FNDC3B: variants seen among roughly 807,000 people sequenced by gnomAD.
FNDC3B encodes fibronectin type III domain containing 3B.
Under a neutral mutation model 151.5 loss-of-function variants are expected in FNDC3B, and 12 were observed. The ratio of observed to expected loss-of-function variants is 0.08; its 90% CI spans 0.05 to 0.13. FNDC3B has a LOEUF of 0.13. Ranked by LOEUF, FNDC3B falls within the 10% of genes least tolerant of loss-of-function variation. FNDC3B has a pLI of 1.00. For synonymous variants in FNDC3B, 528 were observed against 549.0 expected, an observed-to-expected ratio of 0.96 and a Z score of 0.54; for missense variants, 1,214 against 1,505.3, an observed-to-expected ratio of 0.81 and a Z score of 3.20.
chr3:172,341,575 T>G (rs1733326851), intron 17 of FNDC3B, among the ~76,000 whole-genome samples: 2 of 152,178 alleles, frequency 1.3e-5, no homozygotes, highest in South Asian at 4.1e-4. Context: ...AAACTATAGA[T>G]TTTAGAGTAA....
intron 21 of FNDC3B, among the ~76,000 whole-genome samples, chr3:172,348,411 C>T (rs1190884660): frequency 2.0e-5 from 3 of 152,144 alleles, no homozygotes; most frequent in Admixed American, 1.3e-4. Flanking sequence ...TCTTGCTTCT[C>T]GAATGAAGCA....
chr3:172,344,273 A>T lies in FNDC3B; in HGVS notation c.2250+15A>T. ...ATGATGGAGGGGTGAGTATAAGCCC[A>T]TACACCATAACCAGAATCAGAATGC... On this transcript the variant is annotated intron_variant, in intron 19 of 25. Coordinates refer to ENST00000415807, the MANE Select transcript of FNDC3B (RefSeq NM_022763.4). 6.3e-7 allele frequency: 1 copy of T among 1,597,682 alleles called. No individual in the cohort carries two copies. The highest frequency in any genetic ancestry group is 2.3e-5 in the East Asian group (1 of 44,174).
At chr3:172,276,538 A>G (rs1729441749) in intron 6 of FNDC3B, among the ~76,000 whole-genome samples, 1 of 152,232 alleles carries the variant, frequency 6.6e-6, no homozygotes, top group Non-Finnish European at 1.5e-5. Context: ...GATACATGCT[A>G]GAGATCATCA....
At chr3:172,321,764 A>C (rs1462943504) in intron 11 of FNDC3B, 2 of 189,500 alleles carry the variant, frequency 1.1e-5, no homozygotes, top group Admixed American at 6.3e-5. Flanking sequence ...ATTTTTTATA[A>C]ATTTTTTTTA....
intron 6 of FNDC3B, among the ~76,000 whole-genome samples, chr3:172,271,177 T>C (rs1325575365): frequency 1.3e-5 from 2 of 152,238 alleles, no homozygotes; most frequent in Non-Finnish European, 2.9e-5. Context: ...CATTAGCTTT[T>C]ACCCTTAGGT....
intron 11 of FNDC3B, among the ~76,000 whole-genome samples, chr3:172,321,194 T>C (rs1013132071): frequency 7.2e-5 from 11 of 152,232 alleles, no homozygotes; most frequent in Non-Finnish European, 1.3e-4. Context: ...CCTGTGGTTT[T>C]AGGCTATGTC....
intron 25 of FNDC3B, among the ~76,000 whole-genome samples, chr3:172,382,954 C>A (rs760105466): frequency 6.6e-6 from 1 of 152,148 alleles, no homozygotes; most frequent in Non-Finnish European, 1.5e-5. Flanking sequence ...TATACACACT[C>A]TTTTTTGGTT....
intron 6 of FNDC3B, among the ~76,000 whole-genome samples, chr3:172,259,947 T>C (rs1278945962): frequency 3.9e-5 from 6 of 152,240 alleles, no homozygotes; most frequent in African/African-American, 1.2e-4. Flanking sequence ...AAATAATTCG[T>C]TGAGTTTTCT....
intron 1 of FNDC3B, among the ~76,000 whole-genome samples, chr3:172,051,095 T>C (rs1716628596): frequency 6.6e-6 from 1 of 151,424 alleles, no homozygotes; most frequent in Admixed American, 6.6e-5. Flanking sequence ...TTTTTTTTTT[T>C]TTTTGGAGAT....
intron 11 of FNDC3B, among the ~76,000 whole-genome samples, chr3:172,319,640 G>A (rs1731981505): frequency 6.6e-6 from 1 of 152,088 alleles, no homozygotes; most frequent in Admixed American, 6.5e-5. Flanking sequence ...GGAAGAGTGG[G>A]GTTTGGCACG....
chr3:172,198,405 CAT>C (rs1228153351), intron 3 of FNDC3B, among the ~76,000 whole-genome samples: 4 of 152,160 alleles, frequency 2.6e-5, no homozygotes, highest in African/African-American at 7.2e-5. Context: ...CATAAAAACA[CAT>C]ATTTATTTTT....
chr3:172,353,220 C>T (rs1733942661), intron 22 of FNDC3B, 137 bp downstream of exon 22: 3 of 842,578 alleles, frequency 3.6e-6, no homozygotes, highest in East Asian at 5.3e-5. Context: ...TATTGTCTCA[C>T]CTTGATCCCT....
chr3:172,257,785 T>C (rs569378682), intron 6 of FNDC3B, among the ~76,000 whole-genome samples: 1 of 152,284 alleles, frequency 6.6e-6, no homozygotes, highest in South Asian at 2.1e-4. Flanking sequence ...TGTACCCTTA[T>C]GACCTGCCCC....
At chr3:172,109,314 C>A (rs1028531987) in intron 1 of FNDC3B, among the ~76,000 whole-genome samples, 1 of 152,098 alleles carries the variant, frequency 6.6e-6, no homozygotes, top group Admixed American at 6.5e-5. Flanking sequence ...TACAGGCGCC[C>A]GCCACTGCGC....
chr3:172,290,038 G>A (rs533465753), intron 7 of FNDC3B, among the ~76,000 whole-genome samples: 1 of 152,350 alleles, frequency 6.6e-6, no homozygotes, highest in South Asian at 2.1e-4. Flanking sequence ...TGGGAAGGAA[G>A]AGGTATCAGG....
intron 9 of FNDC3B, among the ~76,000 whole-genome samples, chr3:172,303,726 G>GAA (rs11292213): frequency 3.3e-5 from 5 of 149,426 alleles, no homozygotes; most frequent in Non-Finnish European, 7.5e-5. Flanking sequence ...CCATTATGTG[G>GAA]AAAAAAAAAA....
chr3:172,180,227 TG>T (rs1723820855), intron 3 of FNDC3B, among the ~76,000 whole-genome samples: 1 of 152,214 alleles, frequency 6.6e-6, no homozygotes, highest in Non-Finnish European at 1.5e-5. Context: ...ATCTGTCAGA[TG>T]TGGACTGTGG....
At chr3:172,232,516 T>A (rs1215536647) in intron 4 of FNDC3B, among the ~76,000 whole-genome samples, 1 of 152,168 alleles carries the variant, frequency 6.6e-6, no homozygotes, top group Non-Finnish European at 1.5e-5. Flanking sequence ...AACAGTGGAA[T>A]CCTGTCATTT....
At chr3:172,171,861 G>A (rs894891636) in intron 3 of FNDC3B, among the ~76,000 whole-genome samples, 11 of 152,158 alleles carry the variant, frequency 7.2e-5, no homozygotes, top group Admixed American at 7.2e-4. Context: ...TTTACCCCAT[G>A]TCTGCCCTGT....
Sources: allele counts gnomAD v4.1 joint callset (sites outside exome capture counted in the v4.1 genomes callset), GRCh38; gene constraint gnomAD v4.1.1; transcripts MANE v1.5; gene names NCBI Gene and HGNC (gene_info 2026-07-23, HGNC 2026-07-21).